The following OR9Q1 variants were observed in gnomAD, a reference collection of about 807,000 sequenced individuals.
OR9Q1 encodes the protein olfactory receptor family 9 subfamily Q member 1, also known as olfactory receptor 9Q1.
For synonymous variants in OR9Q1, 153 were observed against 148.6 expected (o/e 1.03, Z -0.22); for missense variants, 374 against 378.8 (o/e 0.99, Z 0.11).
intron 2 of OR9Q1, among the ~76,000 whole-genome samples, chr11:58,172,558 A>G (rs1854565194): frequency 6.6e-6 from 1 of 152,170 alleles, no homozygotes; most frequent in Non-Finnish European, 1.5e-5. Flanking sequence ...GTAGATGAGG[A>G]AGTCAAAATA....
At chr11:58,063,924 C>A (rs1853404276) in intron 2 of OR9Q1, among the ~76,000 whole-genome samples, 1 of 152,086 alleles carries the variant, frequency 6.6e-6, no homozygotes, top group South Asian at 2.1e-4. Flanking sequence ...TTCAACTTTC[C>A]AAATTTCTGG....
intron 2 of OR9Q1, among the ~76,000 whole-genome samples, chr11:58,080,125 T>C (rs186238796): frequency 9.4e-4 from 143 of 152,268 alleles, no homozygotes; most frequent in African/African-American, 3.2e-3. Flanking sequence ...AGGTAGTTTT[T>C]CAACCCACAC....
intron 2 of OR9Q1, among the ~76,000 whole-genome samples, chr11:58,148,768 T>C (rs948245015): frequency 3.3e-5 from 5 of 152,160 alleles, no homozygotes; most frequent in Admixed American, 3.3e-4. Context: ...CTTACTTAGA[T>C]AGAGAATGTG....
In OR9Q1 at chr11:58,177,986, G is replaced by A. The variant is rs1479762963; in HGVS notation, c.-14-1445G>A. Among the ~76,000 whole-genome samples the A allele has an allele frequency of 2.0e-5, 3 of 152,166 alleles. No individual in the cohort carries two copies. The South Asian group carries it at 6.2e-4, about 32-fold the overall frequency. ...GCAAAAGAGGTGTTCTAGGCAGAAG[G>A]GGTTTGTCCTGTTGAAAGTGCAGAG... On this transcript the variant is annotated intron_variant, in intron 2 of 2. Coordinates refer to ENST00000335397, the MANE Select transcript of OR9Q1 (RefSeq NM_001005212.4).
intron 1 of OR9Q1, among the ~76,000 whole-genome samples, chr11:58,026,437 T>A (rs1221695181): frequency 6.6e-6 from 1 of 152,084 alleles, no homozygotes; most frequent in Non-Finnish European, 1.5e-5. Context: ...ATCCCAGCAC[T>A]GTGGGAGGTC....
chr11:58,151,983 T>A (rs368460377), intron 2 of OR9Q1, among the ~76,000 whole-genome samples: 1 of 152,114 alleles, frequency 6.6e-6, no homozygotes, highest in South Asian at 2.1e-4. Flanking sequence ...ACATAGAGAT[T>A]ATTGAGTTAA....
intron 2 of OR9Q1, among the ~76,000 whole-genome samples, chr11:58,129,457 T>C (rs549755857): frequency 7.0e-4 from 106 of 152,244 alleles, no homozygotes; most frequent in African/African-American, 2.5e-3. Flanking sequence ...AACCTTCCAT[T>C]GGCTTCCCAT....
In OR9Q1 at chr11:58,107,114, C is replaced by CTT. The variant is rs78874508; in HGVS notation, c.-15+51175_-15+51176dup. On this transcript the variant is annotated intron_variant, in intron 2 of 2. Coordinates refer to ENST00000335397, the MANE Select transcript of OR9Q1 (RefSeq NM_001005212.4). ...CAATTAATGAATGTGGGATGTCTTT[C>CTT]TTTTTTTTTAAATTATACTTTACGT... 2.6e-5 allele frequency among the ~76,000 whole-genome samples: 4 copies of CTT among 151,144 alleles called. No homozygotes were observed. In the East Asian group the frequency reaches 5.9e-4, roughly 22 times the overall value.
intron 2 of OR9Q1, chr11:58,119,105 G>C: frequency 6.2e-7 from 1 of 1,613,992 alleles, no homozygotes; most frequent in Non-Finnish European, 8.5e-7. Context: ...ACTGCCAGCA[G>C]AAAGCACTCT....
chr11:58,157,794 T>A (rs1253665249), intron 2 of OR9Q1, among the ~76,000 whole-genome samples: 1 of 152,194 alleles, frequency 6.6e-6, no homozygotes, highest in Admixed American at 6.5e-5. Flanking sequence ...TTTAAAGGAC[T>A]CTGAGAACTT....
rs1331746679 is a variant in OR9Q1 at position 58,179,678 on chromosome 11, C to A, written c.234C>A (p.Val78=). The change falls in exon 3 of 3, where the codon GTC becomes GTA. Residue 78 remains valine (V), a synonymous_variant. Transcript: ENST00000335397. ...ACGTCTGCTACTCATCTATCACTGT[C>A]CCCCAGATGCTGGCAGTGCTGCTGG... ...FMDVCYSSIT[V]PQMLAVLLEH... 1 of 1,614,014 alleles carries A rather than the reference C, an allele frequency of 6.2e-7. No homozygotes were observed. The highest frequency in any genetic ancestry group is 1.1e-5 in the South Asian group (1 of 91,054).
chr11:58,054,468 A>G (rs568984160), intron 1 of OR9Q1, among the ~76,000 whole-genome samples: 2 of 152,240 alleles, frequency 1.3e-5, no homozygotes, highest in African/African-American at 4.8e-5. Flanking sequence ...TACCAATACC[A>G]ATATTTTTGC....
intron 2 of OR9Q1, among the ~76,000 whole-genome samples, chr11:58,143,207 C>T (rs1159074186): frequency 6.6e-6 from 1 of 152,124 alleles, no homozygotes; most frequent in Non-Finnish European, 1.5e-5. Flanking sequence ...TGTGTCAGAC[C>T]ATGTGCAACA....
rs1235483795 is a variant in OR9Q1 at position 58,180,755 on chromosome 11, T to C, written c.*378T>C. On this transcript the variant is annotated 3_prime_UTR_variant, in exon 3 of 3. Coordinates refer to ENST00000335397, the MANE Select transcript of OR9Q1 (RefSeq NM_001005212.4). ...GTAGGAAGTTTCCTATACTCAGTAC[T>C]GAGATTGTGTAATTGCTAATATTTG... 5.7e-6 allele frequency: 1 copy of C among 176,288 alleles called. No homozygotes were observed. The highest frequency in any genetic ancestry group is 1.3e-5 in the Non-Finnish European group (1 of 74,222). The allele number at this position is 176,288 out of a possible 1,614,324, so 10.9% of individuals were successfully genotyped here.
chr11:58,087,363 C>A (rs774392289), intron 2 of OR9Q1, among the ~76,000 whole-genome samples: 3 of 151,662 alleles, frequency 2.0e-5, no homozygotes, highest in African/African-American at 2.4e-5. Context: ...CCTTTATATA[C>A]CTGGAATCAT....
intron 2 of OR9Q1, among the ~76,000 whole-genome samples, chr11:58,071,015 C>T (rs1853482215): frequency 6.6e-6 from 1 of 152,192 alleles, no homozygotes; most frequent in African/African-American, 2.4e-5. Flanking sequence ...CTCAGTTCAG[C>T]TCCACAGACT....
chr11:58,068,333 G>A (rs1307223895), intron 2 of OR9Q1, among the ~76,000 whole-genome samples: 1 of 150,482 alleles, frequency 6.6e-6, no homozygotes, highest in Admixed American at 6.6e-5. Flanking sequence ...GTGACAGAGT[G>A]AGACTCTGTC....
At chr11:58,082,461 T>C (rs1030978344) in intron 2 of OR9Q1, among the ~76,000 whole-genome samples, 4 of 151,344 alleles carry the variant, frequency 2.6e-5, no homozygotes, top group African/African-American at 9.7e-5. Flanking sequence ...ATGGATGAAA[T>C]TGGAAATCAT....
intron 2 of OR9Q1, among the ~76,000 whole-genome samples, chr11:58,137,730 G>A (rs1215431090): frequency 6.6e-6 from 1 of 152,072 alleles, no homozygotes; most frequent in Admixed American, 6.6e-5. Flanking sequence ...CCTAAACCAA[G>A]TTTCTTAATC....
Sources: allele counts gnomAD v4.1 joint callset (sites outside exome capture counted in the v4.1 genomes callset), GRCh38; gene constraint gnomAD v4.1.1; transcripts MANE v1.5; gene names NCBI Gene and HGNC (gene_info 2026-07-23, HGNC 2026-07-21).